The following DLGAP2 variants were observed in gnomAD, a reference collection of about 807,000 sequenced individuals.
DLGAP2 encodes the protein DLG associated protein 2.
DLGAP2 carries 26 observed loss-of-function variants against 100.3 expected under a neutral mutation model. The ratio of observed to expected loss-of-function variants is 0.26; its 90% CI spans 0.19 to 0.36. The LOEUF (loss-of-function observed/expected upper bound fraction) is 0.36. Among genes scored for constraint, DLGAP2 ranks in the 10% least tolerant of loss-of-function variants. The pLI is 1.00. For synonymous variants in DLGAP2, 886 were observed against 630.1 expected (o/e 1.41, Z -6.08); for missense variants, 1,858 against 1,453.2 (o/e 1.28, Z -4.53).
At chr8:1,698,916 G>A (rs939345357) in intron 14 of DLGAP2, among the ~76,000 whole-genome samples, 4 of 152,042 alleles carry the variant, frequency 2.6e-5, no homozygotes, top group Admixed American at 6.6e-5. Flanking sequence ...AGTAAGCCAT[G>A]CATGGGACTA....
intron 3 of DLGAP2, among the ~76,000 whole-genome samples, chr8:1,374,082 G>GAGGTT (rs1802326551): frequency 6.6e-6 from 1 of 151,778 alleles, no homozygotes; most frequent in East Asian, 1.9e-4. Flanking sequence ...CTGTGTGGTG[G>GAGGTT]AGGTTAGGTT....
rs184367020 is a variant in DLGAP2 at position 1,416,654 on chromosome 8, T to C, written c.107-84712T>C. Among the ~76,000 whole-genome samples the C allele has an allele frequency of 6.8e-4, 103 of 152,224 alleles. 2 individuals are homozygous for C. The South Asian group carries it at 0.018, about 27-fold the overall frequency. On this transcript the variant is annotated intron_variant, in intron 3 of 14. Transcript: ENST00000637795. ...TAGAAATATCAACATGGAAACTCTG[T>C]TTCTGTGTTGACATTTCAATCCAAA...
intron 4 of DLGAP2, among the ~76,000 whole-genome samples, chr8:1,515,843 T>C (rs1207163176): frequency 6.6e-6 from 1 of 152,254 alleles, no homozygotes; most frequent in Non-Finnish European, 1.5e-5. Flanking sequence ...TACTGTGCTA[T>C]GGACTCTTTA....
chr8:1,025,660 C>G (rs981407515), intron 2 of DLGAP2, among the ~76,000 whole-genome samples: 3 of 152,134 alleles, frequency 2.0e-5, no homozygotes, highest in Non-Finnish European at 4.4e-5. Context: ...CCCACCCTCC[C>G]CTAGAGCCAT....
At chr8:861,052 G>A (rs965133267) in intron 1 of DLGAP2, among the ~76,000 whole-genome samples, 2 of 152,136 alleles carry the variant, frequency 1.3e-5, no homozygotes, top group South Asian at 4.1e-4. Context: ...AGAGAACAGC[G>A]GGAGCGGAGG....
chr8:964,865 G>A lies in DLGAP2; in HGVS notation c.73+56899G>A, dbSNP rs367605240. 5.9e-5 allele frequency among the ~76,000 whole-genome samples: 9 copies of A among 152,132 alleles called. No homozygotes were observed. The East Asian group carries it at 1.2e-3, about 20-fold the overall frequency. On this transcript the variant is annotated intron_variant, in intron 2 of 14. Transcript: ENST00000637795. ...TGGCCTTGCGATGGCCTTTGGCTCCGCCTGTGGCCATGCTCCGGGGGGTAC... is the reference window on the plus strand; with the variant it reads ...TGGCCTTGCGATGGCCTTTGGCTCCACCTGTGGCCATGCTCCGGGGGGTAC...
intron 3 of DLGAP2, among the ~76,000 whole-genome samples, chr8:1,317,093 G>A (rs867226578): frequency 7.7e-5 from 8 of 103,606 alleles, no homozygotes; most frequent in South Asian, 3.8e-4. Flanking sequence ...ACTCGGCAGC[G>A]TTTAAAAATA....
At chr8:1,211,933 C>T (rs1020384351) in intron 2 of DLGAP2, among the ~76,000 whole-genome samples, 3 of 152,190 alleles carry the variant, frequency 2.0e-5, no homozygotes, top group African/African-American at 7.2e-5. Context: ...GCTTTCAGTG[C>T]TCCTCGTGCT....
Position 1,392,077 on chromosome 8 carries a change from G to C in DLGAP2, c.107-109289G>C, listed in dbSNP as rs7012599. 5.9e-3 allele frequency among the ~76,000 whole-genome samples: 902 copies of C among 152,316 alleles called. 11 individuals carry two copies. The highest frequency in any genetic ancestry group is 0.02 in the African/African-American group (839 of 41,562). On this transcript the variant is annotated intron_variant, in intron 3 of 14. Transcript: ENST00000637795. ...GCTGTAGGATCTTTCAGAAAACCCA[G>C]GTCATAGGACTGAGAGCATGAAGAA...
chr8:1,094,692 G>A (rs549472511), intron 2 of DLGAP2, among the ~76,000 whole-genome samples: 7 of 152,276 alleles, frequency 4.6e-5, no homozygotes, highest in Middle Eastern at 3.4e-3. Flanking sequence ...TTTATTGACC[G>A]TGCAGCGGGC....
In DLGAP2 at chr8:1,668,519, G is replaced by A. The variant is rs1798604507; in HGVS notation, c.2001G>A (p.Leu667=). 2 of 1,593,670 alleles carry A rather than the reference G, an allele frequency of 1.3e-6. No individual in the cohort carries two copies. The highest frequency in any genetic ancestry group is 1.7e-6 in the Non-Finnish European group (2 of 1,171,172). ...SRGLYNSTDS[L]DSNKAMNLAL... is the part of the protein sequence containing the mutation. ...GCCTCTACAACTCCACGGACAGCCT[G>A]GACAGCAACAAGGCCATGAACCTCG... The change falls in exon 9 of 15, where the codon CTG becomes CTA. Residue 667 remains leucine, a synonymous_variant. Transcript: ENST00000637795.
rs542809662 is a variant in DLGAP2, at chr8:1,196,042, G to C, written c.74-62809G>C. Among the ~76,000 whole-genome samples the C allele has an allele frequency of 1.1e-4, 16 of 152,322 alleles. No homozygotes were observed. In the South Asian group the frequency reaches 2.7e-3, roughly 26 times the overall value. On this transcript the variant is annotated intron_variant, in intron 2 of 14. Coordinates refer to ENST00000637795, the MANE Select transcript of DLGAP2 (RefSeq NM_001346810.2). ...GCTTCTCTCAAATAGCCATGACGTAGAGAAAAATGAAACTGAGGCCACAAC... is the reference window on the plus strand; with the variant it reads ...GCTTCTCTCAAATAGCCATGACGTACAGAAAAATGAAACTGAGGCCACAAC...
intron 2 of DLGAP2, among the ~76,000 whole-genome samples, chr8:1,204,421 A>C (rs1308713050): frequency 6.6e-6 from 1 of 152,172 alleles, no homozygotes; most frequent in African/African-American, 2.4e-5. Flanking sequence ...GTGACGGTGG[A>C]CCCCGGCTGG....
At chr8:759,075 C>A (rs1335727721) in intron 1 of DLGAP2, among the ~76,000 whole-genome samples, 1 of 71,162 alleles carries the variant, frequency 1.4e-5, no homozygotes, top group African/African-American at 4.2e-5. Context: ...ATTATCAATA[C>A]CCCCCACAGC....
intron 2 of DLGAP2, among the ~76,000 whole-genome samples, chr8:1,108,162 G>C (rs1563196395): frequency 6.6e-6 from 1 of 152,238 alleles, no homozygotes; most frequent in Non-Finnish European, 1.5e-5. Flanking sequence ...AAGAAGAAAG[G>C]ATAGGAAGGT....
intron 2 of DLGAP2, among the ~76,000 whole-genome samples, chr8:940,151 A>G (rs1314542632): frequency 2.0e-5 from 3 of 152,072 alleles, no homozygotes; most frequent in Non-Finnish European, 4.4e-5. Flanking sequence ...GACATGGCTT[A>G]TGGCTTGAGT....
At position 1,433,052 on chromosome 8, in the gene DLGAP2, A is replaced by G. The variant is rs148813797; in HGVS notation, c.107-68314A>G. On this transcript the variant is annotated intron_variant, in intron 3 of 14. Coordinates refer to ENST00000637795, the MANE Select transcript of DLGAP2 (RefSeq NM_001346810.2). ...TCTCCTCATGATTCTGCCAAGTTTT[A>G]GTCCCAGGGCACTTAACATAGGCTT... 3.3e-4 allele frequency among the ~76,000 whole-genome samples: 50 copies of G among 152,280 alleles called. 1 individual carries two copies. The highest frequency in any genetic ancestry group is 1.2e-3 in the African/African-American group (50 of 41,564).
intron 3 of DLGAP2, among the ~76,000 whole-genome samples, chr8:1,435,180 G>C (rs1412580091): frequency 2.0e-5 from 3 of 152,204 alleles, no homozygotes; most frequent in African/African-American, 4.8e-5. Context: ...TTAAGCCCCA[G>C]ATCTTCCACA....
intron 8 of DLGAP2, among the ~76,000 whole-genome samples, chr8:1,646,141 A>G (rs4557727): frequency 0.58 from 87,523 of 151,918 alleles, 26,131 homozygotes; most frequent in African/African-American, 0.75. Flanking sequence ...GGGGTGGACG[A>G]GGTGAAGCAG....
Sources: gnomAD v4.1 joint callset for allele counts (sites outside exome capture counted in the v4.1 genomes callset) on GRCh38, gnomAD v4.1.1 for gene constraint, MANE v1.5 for transcripts, NCBI Gene and HGNC (gene_info 2026-07-23, HGNC 2026-07-21) for gene names.